FERMT2: variants seen among roughly 807,000 people sequenced by gnomAD.
The protein encoded by FERMT2 is FERM domain containing kindlin 2, also known as fermitin family homolog 2.
Under a neutral mutation model 82.7 loss-of-function variants are expected in FERMT2, and 15 were observed. The observed-to-expected ratio is 0.18, with a 90% CI of 0.12 to 0.28. The LOEUF (loss-of-function observed/expected upper bound fraction) is 0.28. Ranked by LOEUF, FERMT2 falls within the 10% of genes least tolerant of loss-of-function variation. The pLI is 1.00. For synonymous variants in FERMT2, 274 were observed against 271.5 expected (o/e 1.01, Z -0.09); for missense variants, 645 against 809.4 (o/e 0.80, Z 2.46).
Position 52,942,792 on chromosome 14 carries a change from G to A in FERMT2, c.157+7620C>T, listed in dbSNP as rs553100447. 4.6e-5 allele frequency among the ~76,000 whole-genome samples: 7 copies of A among 152,232 alleles called. No individual in the cohort carries two copies. The East Asian group carries it at 1.2e-3, about 25-fold the overall frequency. On this transcript the variant is annotated intron_variant, in intron 2 of 14. Transcript: ENST00000341590. The stretch of plus-strand genomic sequence containing the variant: ...TCCATCAGCACCTACTACAGTCTGA[G>A]AACAGCTGACATTATGGGAAACCTA...
At chr14:52,902,868 CAAAAA>C (rs1252336097) in intron 3 of FERMT2, among the ~76,000 whole-genome samples, 6 of 5,546 alleles carry the variant, frequency 1.1e-3, no homozygotes, top group African/African-American at 3.5e-3. Flanking sequence ...GACTCCGTCT[CAAAAA>C]AAAAAAAAAA....
intron 4 of FERMT2, among the ~76,000 whole-genome samples, chr14:52,886,947 A>T (rs1401161219): frequency 6.6e-6 from 1 of 152,360 alleles, no homozygotes; most frequent in South Asian, 2.1e-4. Flanking sequence ...TAAAAAATAT[A>T]TGAGGTCCAT....
At chr14:52,878,993 A>G (rs1039014450) in intron 6 of FERMT2, among the ~76,000 whole-genome samples, 7 of 152,204 alleles carry the variant, frequency 4.6e-5, no homozygotes, top group African/African-American at 1.7e-4. Flanking sequence ...TAACCACTAG[A>G]CATTATAGCC....
intron 2 of FERMT2, among the ~76,000 whole-genome samples, chr14:52,941,327 C>T (rs1292176029): frequency 6.6e-6 from 1 of 152,090 alleles, no homozygotes; most frequent in South Asian, 2.1e-4. Flanking sequence ...TTTGGGAGTA[C>T]TGTAAAAGTT....
chr14:52,904,997 C>G (rs141543420), intron 3 of FERMT2, among the ~76,000 whole-genome samples: 8 of 151,958 alleles, frequency 5.3e-5, no homozygotes, highest in African/African-American at 1.9e-4. Flanking sequence ...CCAGACCAGC[C>G]TGACCAACAT....
At chr14:52,891,343 T>C (rs751872688) in intron 4 of FERMT2, among the ~76,000 whole-genome samples, 1 of 152,200 alleles carries the variant, frequency 6.6e-6, no homozygotes, top group Non-Finnish European at 1.5e-5. Context: ...ATAAAAGTCA[T>C]TTAACATTTA....
chr14:52,926,446 ACACACACACT>A (rs768867136), intron 2 of FERMT2, among the ~76,000 whole-genome samples: 44 of 119,804 alleles, frequency 3.7e-4, no homozygotes, highest in Admixed American at 6.8e-4. Context: ...ACACACACAC[ACACACACACT>A]CAGCCTGGCA....
rs117155735 is a variant in FERMT2, at chr14:52,878,624, A to T, written c.921T>A (p.Ile307=). 478 of 1,611,010 alleles carry T rather than the reference A, an allele frequency of 3.0e-4. 4 individuals carry two copies. In the East Asian group the frequency reaches 9.2e-3, roughly 31 times the overall value. ...TCATCATTTCTTCTTCTGTGCATTCAATCTCTTCCAGGAGAATGGCCCATT... is the reference window on the plus strand; with the variant it reads ...TCATCATTTCTTCTTCTGTGCATTCTATCTCTTCCAGGAGAATGGCCCATT... ...QAKWAILLEE[I]ECTEEEMMMF... The change falls in exon 7 of 15, where the codon ATT becomes ATA. Residue 307 remains isoleucine (I), a synonymous_variant. Transcript: ENST00000341590.
chr14:52,882,356 T>C (rs1048890233), intron 4 of FERMT2, among the ~76,000 whole-genome samples: 5 of 152,208 alleles, frequency 3.3e-5, no homozygotes, highest in African/African-American at 1.2e-4. Context: ...GGATATTGCC[T>C]TATTTATCTT....
chr14:52,896,086 C>T (rs1291032272), intron 3 of FERMT2, among the ~76,000 whole-genome samples: 1 of 152,166 alleles, frequency 6.6e-6, no homozygotes, highest in Non-Finnish European at 1.5e-5. Context: ...AGTAATCGCA[C>T]TATGATGTTA....
rs182803782 is a variant in FERMT2 at position 52,889,349 on chromosome 14, C to A, written c.526+3944G>T. Among the ~76,000 whole-genome samples the A allele has an allele frequency of 2.0e-5, 3 of 152,226 alleles. No individual in the cohort carries two copies. The East Asian group carries it at 5.8e-4, about 29-fold the overall frequency. On this transcript the variant is annotated intron_variant, in intron 4 of 14. Transcript: ENST00000341590. Reference sequence around the variant, plus strand: ...AGGACATTCAAAGCTGTCCAAAGGTCTAGCCTCTGAAAGGAAAGAACTGAG... The same window carrying A: ...AGGACATTCAAAGCTGTCCAAAGGTATAGCCTCTGAAAGGAAAGAACTGAG...
intron 3 of FERMT2, among the ~76,000 whole-genome samples, chr14:52,918,133 G>C (rs1013856168): frequency 3.3e-5 from 5 of 152,180 alleles, no homozygotes; most frequent in African/African-American, 1.2e-4. Context: ...AATTATACTT[G>C]ATCTTAGCCA....
chr14:52,900,877 GT>G (rs999935331), intron 3 of FERMT2, among the ~76,000 whole-genome samples: 5 of 151,988 alleles, frequency 3.3e-5, no homozygotes, highest in African/African-American at 1.2e-4. Context: ...AGATAGTGAT[GT>G]TTGAAAAAGC....
At chr14:52,866,499 T>A (rs1294222500) in intron 10 of FERMT2, among the ~76,000 whole-genome samples, 1 of 152,098 alleles carries the variant, frequency 6.6e-6, no homozygotes, top group African/African-American at 2.4e-5. Flanking sequence ...TTATACATTC[T>A]CCTAGCAAAA....
At chr14:52,888,862 A>T (rs1319262909) in intron 4 of FERMT2, among the ~76,000 whole-genome samples, 2 of 151,944 alleles carry the variant, frequency 1.3e-5, no homozygotes, top group South Asian at 2.1e-4. Flanking sequence ...ATTTTAATTA[A>T]TTTTTTTTTT....
At chr14:52,927,247 T>G (rs537216905) in intron 2 of FERMT2, among the ~76,000 whole-genome samples, 1 of 151,866 alleles carries the variant, frequency 6.6e-6, no homozygotes, top group South Asian at 2.1e-4. Flanking sequence ...ATCACAGTGC[T>G]CTCCCACTCC....
intron 14 of FERMT2, chr14:52,858,863 G>A (rs1346404363): frequency 1.8e-5 from 4 of 221,610 alleles, no homozygotes; most frequent in Non-Finnish European, 3.5e-5. Context: ...TCTTCAAGTC[G>A]TGCAGGAAAG....
In FERMT2 at chr14:52,893,310, A is replaced by G. The variant is rs375328892; in HGVS notation, c.509T>C (p.Leu170Pro). Reference sequence around the variant, plus strand: ...AGTCTTACCTGATCCAGGAGTGATAAGAGGCCCCTCTAATTCAAGTGCCTC... The same window carrying G: ...AGTCTTACCTGATCCAGGAGTGATAGGAGGCCCCTCTAATTCAAGTGCCTC... ...EDEALELEGP[L>P]ITPGSGSIYS... Residue 170 changes from leucine to proline, a missense_variant, in exon 4 of 15, where the codon CTT becomes CCT. Transcript: ENST00000341590. The G allele has an allele frequency of 1.2e-5, 20 of 1,607,942 alleles. No individual in the cohort carries two copies. The African/African-American group carries it at 2.2e-4, about 17-fold the overall frequency.
At chr14:52,949,859 C>T (rs1890542026) in intron 2 of FERMT2, among the ~76,000 whole-genome samples, 1 of 152,222 alleles carries the variant, frequency 6.6e-6, no homozygotes, top group Non-Finnish European at 1.5e-5. Context: ...TTGTCAAGCA[C>T]TGCCCCACCC....
Sources: allele counts gnomAD v4.1 joint callset (sites outside exome capture counted in the v4.1 genomes callset), GRCh38; gene constraint gnomAD v4.1.1; transcripts MANE v1.5; gene names NCBI Gene and HGNC (gene_info 2026-07-23, HGNC 2026-07-21).